The following GOLGA4 variants were observed in gnomAD, a reference collection of about 807,000 sequenced individuals.
GOLGA4 encodes golgin subfamily A member 4.
Under a neutral mutation model 265.9 loss-of-function variants are expected in GOLGA4, and 169 were observed. The observed-to-expected ratio is 0.64, with a 90% CI of 0.56 to 0.72. The LOEUF is 0.72. Among genes scored for constraint, GOLGA4 ranks in the 30% least tolerant of loss-of-function variants. The pLI is 0.00. For missense variants in GOLGA4, 2,482 were observed against 2,483.4 expected, an observed-to-expected ratio of 1.00 and a Z score of 0.01; for synonymous variants, 923 against 855.8, an observed-to-expected ratio of 1.08 and a Z score of -1.37.
At chr3:37,340,540 G>A (rs1036530474) in intron 20 of GOLGA4, among the ~76,000 whole-genome samples, 23 of 152,160 alleles carry the variant, frequency 1.5e-4, no homozygotes, top group African/African-American at 5.1e-4. Flanking sequence ...GTAGTCAACC[G>A]TATTTTACAA....
In GOLGA4 at chr3:37,276,367, A is replaced by G. The variant is rs985779495; in HGVS notation, c.163-5591A>G. On this transcript the variant is annotated intron_variant, in intron 2 of 23. Transcript: ENST00000361924. ...CTGACTTATTTGCTAGAATGACAGCAGAGGAAATGGCTAGTGATGAGCTGA... is the reference window on the plus strand; with the variant it reads ...CTGACTTATTTGCTAGAATGACAGCGGAGGAAATGGCTAGTGATGAGCTGA... The G allele has an allele frequency of 3.7e-6, 6 of 1,607,236 alleles. No homozygotes were observed. The African/African-American group carries it at 8.0e-5, about 21-fold the overall frequency.
intron 2 of GOLGA4, among the ~76,000 whole-genome samples, chr3:37,261,252 A>G (rs946424684): frequency 6.6e-6 from 1 of 151,964 alleles, no homozygotes; most frequent in African/African-American, 2.4e-5. Flanking sequence ...CTAAATCCTC[A>G]CCTGGAAGAC....
intron 4 of GOLGA4, among the ~76,000 whole-genome samples, chr3:37,286,396 A>G (rs1033936925): frequency 6.8e-6 from 1 of 146,488 alleles, no homozygotes; most frequent in East Asian, 2.0e-4. Flanking sequence ...CTCATGATCC[A>G]CCCGCCTCGG....
chr3:37,325,512 T>C lies in GOLGA4; in HGVS notation c.3626T>C (p.Leu1209Pro), dbSNP rs1267102509. 2.5e-6 allele frequency: 4 copies of C among 1,613,690 alleles called. No individual in the cohort carries two copies. In the African/African-American group the frequency reaches 4.0e-5, roughly 16 times the overall value. The change falls in exon 14 of 24, where the codon CTG becomes CCG. Residue 1209 changes from leucine to proline, a missense_variant. By Grantham distance (98) the Leu-to-Pro change is moderately conservative. This residue lies in a region of GOLGA4 where 1,536 missense variants were observed against 1,483.7 expected (regional missense o/e 1.04). Coordinates refer to ENST00000361924, the MANE Select transcript of GOLGA4 (RefSeq NM_002078.5). ...LEDKSLEFKK[L>P]SEELAIQLDI... is the part of the protein sequence containing the mutation. The stretch of plus-strand genomic sequence containing the variant: ...GACAAGAGCTTGGAATTTAAAAAAC[T>C]GTCTGAGGAACTAGCGATTCAGCTA...
At chr3:37,255,026 G>A (rs771848108) in intron 2 of GOLGA4, among the ~76,000 whole-genome samples, 16 of 151,116 alleles carry the variant, frequency 1.1e-4, no homozygotes, top group Non-Finnish European at 1.8e-4. Flanking sequence ...AAGGCTTACT[G>A]TAGAAAGCTA....
Position 37,361,301 on chromosome 3 carries a change from A to C in GOLGA4, c.*29A>C, listed in dbSNP as rs968973767. 1 of 1,607,636 alleles carries C rather than the reference A, an allele frequency of 6.2e-7. No individual in the cohort carries two copies. The highest frequency in any genetic ancestry group is 1.3e-5 in the African/African-American group (1 of 74,798). ...AACCATCAGTCTGTGCTTAGTTAACATGTGGTGAGTGAAGAACAATGTCTT... is the reference window on the plus strand; with the variant it reads ...AACCATCAGTCTGTGCTTAGTTAACCTGTGGTGAGTGAAGAACAATGTCTT... On this transcript the variant is annotated 3_prime_UTR_variant, in exon 23 of 24. Transcript: ENST00000361924.
chr3:37,363,744 C>T (rs1696525679), intron 23 of GOLGA4, among the ~76,000 whole-genome samples: 1 of 152,132 alleles, frequency 6.6e-6, no homozygotes, highest in South Asian at 2.1e-4. Flanking sequence ...ACATAATACT[C>T]AGTTTTTTAC....
intron 4 of GOLGA4, 75 bp downstream of exon 4, chr3:37,286,136 T>TTA: frequency 4.4e-6 from 2 of 449,954 alleles, no homozygotes. Flanking sequence ...AGATATTTCT[T>TTA]TCTTTTTTTT....
chr3:37,320,569 T>C (rs557242664), intron 12 of GOLGA4, among the ~76,000 whole-genome samples: 8 of 152,210 alleles, frequency 5.3e-5, no homozygotes, highest in African/African-American at 1.9e-4. Context: ...CACATATTTG[T>C]TTTCTTTGTT....
chr3:37,317,773 C>G (rs1233414594), intron 11 of GOLGA4, among the ~76,000 whole-genome samples: 1 of 151,990 alleles, frequency 6.6e-6, no homozygotes, highest in African/African-American at 2.4e-5. Flanking sequence ...ACTCACTTTT[C>G]TATTGGGCTG....
In GOLGA4 at chr3:37,299,270, T is replaced by G; in HGVS notation, c.1003-18T>G. On this transcript the variant is annotated intron_variant, in intron 8 of 23. Transcript: ENST00000361924. Reference sequence around the variant, plus strand: ...AAGCTTTATTAGAGATGGAAATGAATTTAAAAATTTTTTTTAGGACCTTCA... The same window carrying G: ...AAGCTTTATTAGAGATGGAAATGAAGTTAAAAATTTTTTTTAGGACCTTCA... The G allele has an allele frequency of 6.5e-7, 1 of 1,541,294 alleles. No homozygotes were observed. Among genetic ancestry groups the G allele is most frequent in the Non-Finnish European group, 9.0e-7 (1 of 1,116,546 alleles).
rs2096818538 is a variant in GOLGA4, at chr3:37,276,327, G to T, written c.163-5631G>T. 5.0e-6 allele frequency: 8 copies of T among 1,605,818 alleles called. No homozygotes were observed. In the Admixed American group the frequency reaches 1.2e-4, roughly 23 times the overall value. On this transcript the variant is annotated intron_variant, in intron 2 of 23. Coordinates refer to ENST00000361924, the MANE Select transcript of GOLGA4 (RefSeq NM_002078.5). ...CCAAATTTAAGGAAAAATGTCCTCT[G>T]TGGGAATATTCCTCCTGACTTATTT...
intron 10 of GOLGA4, among the ~76,000 whole-genome samples, chr3:37,313,107 G>A (rs1253775794): frequency 6.6e-6 from 1 of 152,128 alleles, no homozygotes; most frequent in Admixed American, 6.5e-5. Context: ...GGAGGCCGAG[G>A]CAGGATAATC....
intron 10 of GOLGA4, among the ~76,000 whole-genome samples, chr3:37,307,496 A>G (rs942516836): frequency 3.3e-5 from 5 of 152,326 alleles, no homozygotes; most frequent in African/African-American, 1.2e-4. Flanking sequence ...ATTTTTGTGC[A>G]TCCACACATG....
In GOLGA4 at chr3:37,318,089, C is replaced by T. The variant is rs11717027; in HGVS notation, c.1414-974C>T. Among the ~76,000 whole-genome samples the T allele has an allele frequency of 8.8e-3, 1,335 of 151,812 alleles. 10 individuals are homozygous for T. Among genetic ancestry groups the T allele is most frequent in the Middle Eastern group, 0.021 (6 of 292 alleles). Reference sequence around the variant, plus strand: ...TTTTTTTACTGTTAACATCTTTGATCCAACTGAAACTTATTTAGTGTAAGG... The same window carrying T: ...TTTTTTTACTGTTAACATCTTTGATTCAACTGAAACTTATTTAGTGTAAGG... On this transcript the variant is annotated intron_variant, in intron 11 of 23. Coordinates refer to ENST00000361924, the MANE Select transcript of GOLGA4 (RefSeq NM_002078.5).
rs371358582 is a variant in GOLGA4, at chr3:37,340,143, G to A, written c.6416G>A (p.Arg2139His). Residue 2139 changes from arginine (R) to histidine (H), a missense_variant, in exon 20 of 24, where the codon CGT becomes CAT. Physicochemically the swap from Arg to His is conservative, Grantham distance 29. This residue lies in a region of GOLGA4 where 942 missense variants were observed against 983.1 expected (regional missense o/e 0.96). Transcript: ENST00000361924. ...TTTTAGATTCACAATTTAGAAGACC[G>A]TTTGAAGAAATATGAAAAGAATGTA... Reference protein sequence around the residue: ...FREQIHNLEDRLKKYEKNVYA... With the variant: ...FREQIHNLEDHLKKYEKNVYA... The A allele has an allele frequency of 2.7e-5, 37 of 1,376,106 alleles. No homozygotes were observed. Among genetic ancestry groups the A allele is most frequent in the Middle Eastern group, 3.7e-4 (2 of 5,474 alleles). The allele number at this position is 1,376,106 out of a possible 1,614,324, so 85.2% of individuals were successfully genotyped here.
At chr3:37,293,890 T>C (rs1029794518) in intron 5 of GOLGA4, among the ~76,000 whole-genome samples, 15 of 152,264 alleles carry the variant, frequency 9.9e-5, no homozygotes, top group African/African-American at 3.1e-4. Flanking sequence ...GTTCCTACAC[T>C]ACAAGCCTGT....
At chr3:37,261,583 T>C (rs1025675001) in intron 2 of GOLGA4, among the ~76,000 whole-genome samples, 1 of 152,188 alleles carries the variant, frequency 6.6e-6, no homozygotes, top group African/African-American at 2.4e-5. Context: ...AGTAGATACA[T>C]TAATTCATTG....
intron 2 of GOLGA4, among the ~76,000 whole-genome samples, chr3:37,275,516 G>A (rs572541444): frequency 6.6e-6 from 1 of 152,272 alleles, no homozygotes; most frequent in South Asian, 2.1e-4. Flanking sequence ...CATATCCAGT[G>A]ATCTTTAAAG....
Sources: gnomAD v4.1 joint callset for allele counts (sites outside exome capture counted in the v4.1 genomes callset) on GRCh38, gnomAD v4.1.1 for gene constraint, gnomAD v4.1.1 regional missense constraint, MANE v1.5 for transcripts, NCBI Gene and HGNC (gene_info 2026-07-23, HGNC 2026-07-21) for gene names.